The following MAN1A1 variants were observed in gnomAD, a reference collection of about 807,000 sequenced individuals.
The protein encoded by MAN1A1 is mannosidase alpha class 1A member 1.
Under a neutral mutation model 70.8 loss-of-function variants are expected in MAN1A1, and 29 were observed. The observed-to-expected ratio is 0.41, with a 90% CI of 0.31 to 0.56. MAN1A1 has a LOEUF of 0.56. MAN1A1 is among the 20% of genes least tolerant of loss of function. MAN1A1 has a pLI of 0.29. For synonymous variants in MAN1A1, 349 were observed against 330.1 expected, an observed-to-expected ratio of 1.06 and a Z score of -0.62; for missense variants, 747 against 841.3, an observed-to-expected ratio of 0.89 and a Z score of 1.39.
At chr6:119,294,816 T>C (rs1428313331) in intron 4 of MAN1A1, among the ~76,000 whole-genome samples, 1 of 152,092 alleles carries the variant, frequency 6.6e-6, no homozygotes, top group Non-Finnish European at 1.5e-5. Context: ...ATAAAATACA[T>C]GGTATGCCTA....
chr6:119,275,738 G>A (rs918138658), intron 5 of MAN1A1, among the ~76,000 whole-genome samples: 9 of 152,148 alleles, frequency 5.9e-5, no homozygotes, highest in African/African-American at 1.7e-4. Flanking sequence ...CACTGTGCCC[G>A]GCAACTGCTA....
intron 5 of MAN1A1, among the ~76,000 whole-genome samples, chr6:119,271,504 C>CTT (rs1160948184): frequency 3.5e-5 from 5 of 144,756 alleles, no homozygotes; most frequent in Non-Finnish European, 3.1e-5. Context: ...GTAGCCCCAT[C>CTT]TTTTTTTTTT....
intron 5 of MAN1A1, among the ~76,000 whole-genome samples, chr6:119,250,314 G>A (rs1775282422): frequency 6.6e-6 from 1 of 152,154 alleles, no homozygotes; most frequent in South Asian, 2.1e-4. Flanking sequence ...ATAACCATAT[G>A]GCACAGTTGA....
chr6:119,265,547 A>G (rs1040570981), intron 5 of MAN1A1, among the ~76,000 whole-genome samples: 1 of 152,196 alleles, frequency 6.6e-6, no homozygotes, highest in Non-Finnish European at 1.5e-5. Flanking sequence ...ATTTAAAAAA[A>G]TTTCCTAAGG....
At position 119,277,327 on chromosome 6, in the gene MAN1A1, T is replaced by C. The variant is rs78099550; in HGVS notation, c.897+13356A>G. 8.7e-4 allele frequency among the ~76,000 whole-genome samples: 132 copies of C among 152,226 alleles called. 2 individuals carry two copies. In the East Asian group the frequency reaches 0.014, roughly 17 times the overall value. ...GTCAGTGAACTATTTTCTAAAATGT[T>C]TTAAAGAAAAAAACTTAAAAAAATA... On this transcript the variant is annotated intron_variant, in intron 5 of 12. Transcript: ENST00000368468.
rs144727687 is a variant in MAN1A1, at chr6:119,285,584, G to A, written c.897+5099C>T. The stretch of plus-strand genomic sequence containing the variant: ...GATTAACATATATTTTTATTTTAAG[G>A]TATTGTGATCACTGTTTTCAATTCT... On this transcript the variant is annotated intron_variant, in intron 5 of 12. Coordinates refer to ENST00000368468, the MANE Select transcript of MAN1A1 (RefSeq NM_005907.4). Among the ~76,000 whole-genome samples the A allele has an allele frequency of 6.2e-3, 922 of 149,084 alleles. 6 individuals are homozygous for A. The highest frequency in any genetic ancestry group is 0.021 in the African/African-American group (872 of 40,754).
chr6:119,265,291 G>T (rs993370564), intron 5 of MAN1A1, among the ~76,000 whole-genome samples: 1 of 151,732 alleles, frequency 6.6e-6, no homozygotes, highest in Non-Finnish European at 1.5e-5. Flanking sequence ...TTGAGACATG[G>T]TCTTGTTTTG....
In MAN1A1 at chr6:119,322,448, A is replaced by T. The variant is rs17081019; in HGVS notation, c.604-15456T>A. Among the ~76,000 whole-genome samples, 894 of 152,252 alleles carry T rather than the reference A, an allele frequency of 5.9e-3. 30 individuals are homozygous for T. In the East Asian group the frequency reaches 0.09, roughly 15 times the overall value. ...TTCGCAGAACTAATGGTAACCACCTATTGTAAAGGAATTGTCTTCCTAGTA... is the reference window on the plus strand; with the variant it reads ...TTCGCAGAACTAATGGTAACCACCTTTTGTAAAGGAATTGTCTTCCTAGTA... On this transcript the variant is annotated intron_variant, in intron 2 of 12. Transcript: ENST00000368468.
At chr6:119,290,878 G>T in intron 4 of MAN1A1, 115 bp from the exon 5 acceptor site, 1 of 647,326 alleles carries the variant, frequency 1.5e-6, no homozygotes, top group Non-Finnish European at 2.7e-6. Flanking sequence ...GCCCAGAGAA[G>T]TTTATATACA....
At chr6:119,291,244 T>C (rs561041259) in intron 4 of MAN1A1, among the ~76,000 whole-genome samples, 10 of 152,150 alleles carry the variant, frequency 6.6e-5, no homozygotes, top group African/African-American at 2.4e-4. Flanking sequence ...TCTTTGCCTG[T>C]TGCCATCCAT....
At chr6:119,277,067 A>G (rs747740720) in intron 5 of MAN1A1, among the ~76,000 whole-genome samples, 3 of 152,234 alleles carry the variant, frequency 2.0e-5, no homozygotes, top group Non-Finnish European at 4.4e-5. Context: ...ACTTCAAATT[A>G]TTATAAAATA....
At chr6:119,290,035 C>T (rs1288114008) in intron 5 of MAN1A1, among the ~76,000 whole-genome samples, 1 of 151,998 alleles carries the variant, frequency 6.6e-6, no homozygotes, top group African/African-American at 2.4e-5. Context: ...TTGTCCAAAA[C>T]CTTTCAAGAA....
At chr6:119,221,101 G>A (rs1323088722) in intron 6 of MAN1A1, among the ~76,000 whole-genome samples, 3 of 150,662 alleles carry the variant, frequency 2.0e-5, no homozygotes, top group African/African-American at 7.3e-5. Context: ...TACAAGCCCA[G>A]TGCTTTAGCA....
chr6:119,183,799 A>G (rs1336756838), intron 11 of MAN1A1, among the ~76,000 whole-genome samples: 2 of 152,044 alleles, frequency 1.3e-5, no homozygotes, highest in Non-Finnish European at 2.9e-5. Flanking sequence ...ACAGCCAAAA[A>G]TTTTGAGTAG....
At chr6:119,263,395 A>C (rs192252720) in intron 5 of MAN1A1, among the ~76,000 whole-genome samples, 39 of 152,258 alleles carry the variant, frequency 2.6e-4, no homozygotes, top group African/African-American at 8.7e-4. Flanking sequence ...GCAAACTAAC[A>C]CAGGAATAGA....
intron 4 of MAN1A1, among the ~76,000 whole-genome samples, chr6:119,293,226 T>C (rs1471420650): frequency 6.6e-6 from 1 of 152,124 alleles, no homozygotes; most frequent in Non-Finnish European, 1.5e-5. Context: ...CTGAGTCATG[T>C]CAAACACTGC....
At chr6:119,188,637 A>G (rs1773356371) in intron 10 of MAN1A1, 60 bp from the exon 11 acceptor site, 15 of 1,439,278 alleles carry the variant, frequency 1.0e-5, no homozygotes, top group African/African-American at 1.4e-5. Context: ...TACAGTCAAT[A>G]ACTTAAATGA....
intron 3 of MAN1A1, 79 bp downstream of exon 3, chr6:119,306,817 C>T (rs1464938574): frequency 1.8e-5 from 18 of 1,028,362 alleles, no homozygotes; most frequent in Admixed American, 1.1e-4. Context: ...CCATGTTACA[C>T]AGACTTCTCC....
intron 5 of MAN1A1, among the ~76,000 whole-genome samples, chr6:119,282,816 T>G (rs1776257422): frequency 6.6e-6 from 1 of 152,160 alleles, no homozygotes; most frequent in African/African-American, 2.4e-5. Context: ...ATTAAAATTG[T>G]TCCTTTCTAG....
Sources: allele counts gnomAD v4.1 joint callset (sites outside exome capture counted in the v4.1 genomes callset), GRCh38; gene constraint gnomAD v4.1.1; transcripts MANE v1.5; gene names NCBI Gene and HGNC (gene_info 2026-07-23, HGNC 2026-07-21).